The following ARSG variants were observed in gnomAD, a reference collection of about 807,000 sequenced individuals.
ARSG encodes the protein arylsulfatase G, also known as ASG.
ARSG carries 37 observed loss-of-function variants against 50.5 expected under a neutral mutation model. The observed-to-expected ratio is 0.73, with a 90% CI of 0.56 to 0.96. The LOEUF is 0.96. ARSG is among the 50% of genes least tolerant of loss of function. The pLI, the probability that ARSG is intolerant of heterozygous loss-of-function variation, is 0.00. For missense variants in ARSG, 629 were observed against 675.3 expected (o/e 0.93, Z 0.76); for synonymous variants, 225 against 254.6 (o/e 0.88, Z 1.11).
At chr17:68,339,767 A>G (rs920280158) in intron 2 of ARSG, among the ~76,000 whole-genome samples, 6 of 152,208 alleles carry the variant, frequency 3.9e-5, no homozygotes, top group African/African-American at 1.4e-4. Flanking sequence ...TTGATTTTAT[A>G]AACTTCATCT....
At chr17:68,348,328 C>T (rs534839860) in intron 4 of ARSG, among the ~76,000 whole-genome samples, 1 of 152,282 alleles carries the variant, frequency 6.6e-6, no homozygotes, top group South Asian at 2.1e-4. Flanking sequence ...ACCTTGAGGG[C>T]ATATTCCTGT....
At chr17:68,282,252 CAAA>C (rs1177613309) in intron 1 of ARSG, among the ~76,000 whole-genome samples, 2 of 146,254 alleles carry the variant, frequency 1.4e-5, no homozygotes, top group African/African-American at 5.1e-5. Flanking sequence ...ATCGCAAGGA[CAAA>C]AAAAACAAAC....
At chr17:68,396,975 G>A (rs1012695330) in intron 10 of ARSG, among the ~76,000 whole-genome samples, 1 of 152,176 alleles carries the variant, frequency 6.6e-6, no homozygotes, top group African/African-American at 2.4e-5. Flanking sequence ...GAGGTGCTCC[G>A]GAGTGTTTAT....
chr17:68,303,403 G>A (rs2076492767), intron 1 of ARSG, among the ~76,000 whole-genome samples: 1 of 152,102 alleles, frequency 6.6e-6, no homozygotes, highest in African/African-American at 2.4e-5. Flanking sequence ...GGGATTACAG[G>A]CATGAGCCAC....
At chr17:68,414,543 T>A (rs539632977) in intron 11 of ARSG, among the ~76,000 whole-genome samples, 230 of 152,332 alleles carry the variant, frequency 1.5e-3, no homozygotes, top group Non-Finnish European at 2.8e-3. Context: ...TCTGGCTTCA[T>A]AGAATGAATT....
chr17:68,355,155 T>C (rs1305270440), intron 5 of ARSG, among the ~76,000 whole-genome samples: 1 of 152,192 alleles, frequency 6.6e-6, no homozygotes, highest in Non-Finnish European at 1.5e-5. Context: ...ATGTGTGCAA[T>C]GCACTAACCA....
intron 1 of ARSG, chr17:68,270,941 G>A: frequency 6.2e-7 from 1 of 1,614,212 alleles, no homozygotes. Context: ...TCCTCAGCAA[G>A]CAGTGGAATG....
intron 2 of ARSG, among the ~76,000 whole-genome samples, chr17:68,330,632 G>A (rs1384832079): frequency 1.3e-5 from 2 of 152,112 alleles, no homozygotes; most frequent in South Asian, 4.2e-4. Context: ...AGGAATAGCT[G>A]GTATGTAGGG....
At chr17:68,372,850 A>G (rs1017776720) in intron 8 of ARSG, among the ~76,000 whole-genome samples, 1 of 149,750 alleles carries the variant, frequency 6.7e-6, no homozygotes, top group African/African-American at 2.5e-5. Flanking sequence ...TGTGCGCCTC[A>G]ATTCTGGTGC....
intron 11 of ARSG, among the ~76,000 whole-genome samples, chr17:68,413,404 C>G (rs2082137240): frequency 6.6e-6 from 1 of 152,204 alleles, no homozygotes; most frequent in Non-Finnish European, 1.5e-5. Flanking sequence ...TCTGCCCCTG[C>G]TGGGGGGTGC....
rs1260995377 is a variant in ARSG, at chr17:68,291,547, C to T, written c.-573C>T. The T allele has an allele frequency of 2.0e-5, 3 of 150,666 alleles. No individual in the cohort carries two copies. Among genetic ancestry groups the T allele is most frequent in the Non-Finnish European group, 4.4e-5 (3 of 67,562 alleles). 9.3% of individuals were successfully genotyped at this position (150,666 alleles called of 1,614,324 possible). ...CGGTCGCGCGCCCGCCAGCCTGCCG[C>T]CTGGGCTGGGGGTCACGAAAGGTAA... On this transcript the variant is annotated 5_prime_UTR_variant, in exon 1 of 12. Coordinates refer to ENST00000621439, the MANE Select transcript of ARSG (RefSeq NM_001267727.2).
chr17:68,390,835 C>T (rs570929821), intron 9 of ARSG, among the ~76,000 whole-genome samples: 3 of 151,732 alleles, frequency 2.0e-5, no homozygotes, highest in Admixed American at 6.6e-5. Context: ...CCATGTTGGC[C>T]GGGCTGGTCT....
At chr17:68,428,924 C>A in the ARSG span, 1 of 1,613,868 alleles carries the variant, frequency 6.2e-7, no homozygotes, top group Non-Finnish European at 8.5e-7. Context: ...GCAGCCGTGG[C>A]AACTTCTGGA....
At chr17:68,264,979 C>T (rs1388629411) in intron 1 of ARSG, among the ~76,000 whole-genome samples, 22 of 142,954 alleles carry the variant, frequency 1.5e-4, no homozygotes, top group Middle Eastern at 4.6e-3. Context: ...GATGGCGAAA[C>T]CCTGTCTCTA....
In ARSG at chr17:68,307,343, C is replaced by T. The variant is rs928299303; in HGVS notation, c.-151C>T. ...ACATTCCTATAGCCGTTATCACTGCCATCACCACTGCCACCAGCATCTTCT... is the reference window on the plus strand; with the variant it reads ...ACATTCCTATAGCCGTTATCACTGCTATCACCACTGCCACCAGCATCTTCT... On this transcript the variant is annotated 5_prime_UTR_variant, in exon 2 of 12. Transcript: ENST00000621439. The T allele has an allele frequency of 6.0e-5, 38 of 636,530 alleles. No individual in the cohort carries two copies. The highest frequency in any genetic ancestry group is 1.7e-4 in the Admixed American group (6 of 35,308). 39.4% of individuals were successfully genotyped at this position (636,530 alleles called of 1,614,324 possible).
intron 1 of ARSG, among the ~76,000 whole-genome samples, chr17:68,260,514 G>A (rs2075056372): frequency 6.6e-6 from 1 of 152,148 alleles, no homozygotes; most frequent in Non-Finnish European, 1.5e-5. Flanking sequence ...TTGAAATAGG[G>A]TCTTGCTCTG....
At chr17:68,346,286 C>T (rs892079556) in intron 3 of ARSG, among the ~76,000 whole-genome samples, 9 of 152,004 alleles carry the variant, frequency 5.9e-5, no homozygotes, top group African/African-American at 1.9e-4. Flanking sequence ...CCAGTTTCAC[C>T]GATTCTTAAT....
intron 11 of ARSG, among the ~76,000 whole-genome samples, chr17:68,419,819 G>C (rs947809361): frequency 1.3e-5 from 2 of 150,502 alleles, no homozygotes; most frequent in African/African-American, 4.9e-5. Context: ...AAAGTTGGGC[G>C]TGGTGGTGCA....
At chr17:68,374,267 T>G (rs911592457) in intron 8 of ARSG, among the ~76,000 whole-genome samples, 1 of 152,130 alleles carries the variant, frequency 6.6e-6, no homozygotes, top group Admixed American at 6.5e-5. Flanking sequence ...GGGACACTCT[T>G]GGGCCAGGCT....
Sources: allele counts gnomAD v4.1 joint callset (sites outside exome capture counted in the v4.1 genomes callset), GRCh38; gene constraint gnomAD v4.1.1; transcripts MANE v1.5; gene names NCBI Gene and HGNC (gene_info 2026-07-23, HGNC 2026-07-21).